Variants in CNBD2 observed in about 807,000 individuals in gnomAD.
CNBD2 encodes the protein cyclic nucleotide binding domain containing 2.
CNBD2 carries 64 observed loss-of-function variants against 63.7 expected under a neutral mutation model. The observed-to-expected ratio is 1.00, with a 90% CI of 0.82 to 1.24. The LOEUF (loss-of-function observed/expected upper bound fraction) is 1.24. Ranked by LOEUF, CNBD2 falls within the 50% of genes most tolerant of loss-of-function variation. The pLI, the probability that CNBD2 is intolerant of heterozygous loss-of-function variation, is 0.00. For synonymous variants in CNBD2, 229 were observed against 255.4 expected, an observed-to-expected ratio of 0.90 and a Z score of 0.99; for missense variants, 691 against 713.5, an observed-to-expected ratio of 0.97 and a Z score of 0.36.
At chr20:36,002,289 T>C (rs1023253649) in intron 8 of CNBD2, among the ~76,000 whole-genome samples, 7 of 152,156 alleles carry the variant, frequency 4.6e-5, no homozygotes, top group South Asian at 2.1e-4. Context: ...CGCAGGCACT[T>C]GGCAGGCTGA....
intron 11 of CNBD2, among the ~76,000 whole-genome samples, chr20:36,026,121 C>T (rs971675267): frequency 2.0e-5 from 3 of 152,092 alleles, no homozygotes; most frequent in African/African-American, 7.2e-5. Flanking sequence ...GCAACCTCTG[C>T]CTCCCGGGCT....
At chr20:35,985,047 C>T (rs2056649799) in intron 6 of CNBD2, among the ~76,000 whole-genome samples, 1 of 152,088 alleles carries the variant, frequency 6.6e-6, no homozygotes, top group African/African-American at 2.4e-5. Flanking sequence ...AATCCCAGCA[C>T]TTTAGGAGGC....
intron 8 of CNBD2, among the ~76,000 whole-genome samples, chr20:35,995,696 T>A (rs1159431881): frequency 6.6e-6 from 1 of 152,236 alleles, no homozygotes; most frequent in East Asian, 1.9e-4. Flanking sequence ...TTGTTTTCAC[T>A]TTTTGGCTGT....
chr20:36,020,105 C>T (rs1284106613), intron 10 of CNBD2, among the ~76,000 whole-genome samples: 28 of 151,796 alleles, frequency 1.8e-4, no homozygotes, highest in Middle Eastern at 3.4e-3. Context: ...TTTCTTGAGA[C>T]GGAGTCTCGC....
intron 10 of CNBD2, among the ~76,000 whole-genome samples, chr20:36,014,870 G>A (rs183398039): frequency 1.4e-4 from 21 of 152,158 alleles, no homozygotes; most frequent in Admixed American, 8.5e-4. Context: ...CTGGCCTCAA[G>A]CAATACTCCC....
intron 4 of CNBD2, among the ~76,000 whole-genome samples, chr20:35,983,459 GC>G (rs2056624154): frequency 6.6e-6 from 1 of 152,040 alleles, no homozygotes; most frequent in Non-Finnish European, 1.5e-5. Flanking sequence ...TGGGTAGTGG[GC>G]TGCTGGTAAT....
At chr20:36,027,532 T>C (rs2057296079) in intron 11 of CNBD2, among the ~76,000 whole-genome samples, 1 of 152,194 alleles carries the variant, frequency 6.6e-6, no homozygotes, top group African/African-American at 2.4e-5. Context: ...AGTTTTAACA[T>C]TTATGTATTT....
At chr20:35,973,379 C>A (rs2056450949) in intron 2 of CNBD2, 1 of 152,614 alleles carries the variant, frequency 6.6e-6, no homozygotes, top group Admixed American at 6.5e-5. Flanking sequence ...GGTGCAGGGG[C>A]ATTTTCAGGG....
chr20:36,025,472 C>T (rs1361998539), intron 11 of CNBD2, among the ~76,000 whole-genome samples: 8 of 152,052 alleles, frequency 5.3e-5, no homozygotes, highest in Admixed American at 5.2e-4. Context: ...GTAGCTGGAA[C>T]TATAAATGTA....
At chr20:36,009,788 C>CG (rs1176648494) in intron 9 of CNBD2, among the ~76,000 whole-genome samples, 1 of 152,108 alleles carries the variant, frequency 6.6e-6, no homozygotes, top group Admixed American at 6.5e-5. Context: ...GCTGAGATCA[C>CG]GCCACTGTAC....
At chr20:35,982,396 C>A (rs2056609816) in intron 4 of CNBD2, among the ~76,000 whole-genome samples, 1 of 152,146 alleles carries the variant, frequency 6.6e-6, no homozygotes, top group Non-Finnish European at 1.5e-5. Context: ...CCCTGACTTG[C>A]CTTCTCCCAT....
At chr20:35,989,777 C>T (rs984837808) in intron 7 of CNBD2, among the ~76,000 whole-genome samples, 2 of 151,038 alleles carry the variant, frequency 1.3e-5, no homozygotes, top group Middle Eastern at 6.8e-3. Flanking sequence ...GAGACTCATG[C>T]AGGAAGATCA....
intron 3 of CNBD2, among the ~76,000 whole-genome samples, chr20:35,976,795 A>G (rs138696581): frequency 3.3e-5 from 5 of 152,192 alleles, no homozygotes; most frequent in East Asian, 3.8e-4. Flanking sequence ...ATTCTCACCA[A>G]TGCAGACCTG....
intron 10 of CNBD2, among the ~76,000 whole-genome samples, chr20:36,013,963 C>T (rs1451697477): frequency 1.3e-5 from 2 of 151,928 alleles, no homozygotes; most frequent in Non-Finnish European, 2.9e-5. Flanking sequence ...GGGCGGATCA[C>T]GAGGTCAGGA....
chr20:35,973,508 C>T (rs2056453616), intron 2 of CNBD2: 1 of 152,198 alleles, frequency 6.6e-6, no homozygotes, highest in South Asian at 2.1e-4. Flanking sequence ...CTCCCGGGTT[C>T]ACACCATTCT....
chr20:35,954,582 G>A, upstream of CNBD2: 1 of 1,438,948 alleles, frequency 6.9e-7, no homozygotes, highest in Non-Finnish European at 9.3e-7. Context: ...CGAGTCGCAT[G>A]AGGCGGCTGC....
upstream of CNBD2, among the ~76,000 whole-genome samples, chr20:35,963,859 C>T (rs2056325915): frequency 6.6e-6 from 1 of 151,956 alleles, no homozygotes; most frequent in Admixed American, 6.6e-5. Context: ...TGAAAGAGGC[C>T]CTATGGATCC....
upstream of CNBD2, among the ~76,000 whole-genome samples, chr20:35,967,307 T>C (rs2056354255): frequency 1.5e-5 from 2 of 134,506 alleles, no homozygotes; most frequent in South Asian, 2.6e-4. Flanking sequence ...TGGAGTGCAG[T>C]GGCACAATCT....
Position 35,980,532 on chromosome 20 carries a change from C to A in CNBD2, c.317C>A (p.Ala106Asp), listed in dbSNP as rs1383827792. The change falls in exon 4 of 12, where the codon GCC becomes GAC. Residue 106 changes from alanine (A) to aspartate (D), a missense_variant. Ala to Asp is a moderately radical substitution (Grantham distance 126). Transcript: ENST00000373973. ...TGGAGAACAGAGGATGAGATCCAGGCCGTCTGTAACATCTTGCAGGTTCTG... is the reference window on the plus strand; with the variant it reads ...TGGAGAACAGAGGATGAGATCCAGGACGTCTGTAACATCTTGCAGGTTCTG... ...PSWRTEDEIQ[A>D]VCNILQVLDS... The A allele has an allele frequency of 6.2e-7, 1 of 1,614,108 alleles. No homozygotes were observed. The highest frequency in any genetic ancestry group is 1.1e-5 in the South Asian group (1 of 91,080).
Sources: gnomAD v4.1 joint callset for allele counts (sites outside exome capture counted in the v4.1 genomes callset) on GRCh38, gnomAD v4.1.1 for gene constraint, MANE v1.5 for transcripts, NCBI Gene and HGNC (gene_info 2026-07-23, HGNC 2026-07-21) for gene names.